The following DAB1 variants were observed in gnomAD, a reference collection of about 807,000 sequenced individuals.
DAB1 encodes DAB adaptor protein 1.
Under a neutral mutation model 64.6 loss-of-function variants are expected in DAB1, and 15 were observed. The observed-to-expected ratio is 0.23, with a 90% CI of 0.16 to 0.36. The LOEUF is 0.36. Among genes scored for constraint, DAB1 ranks in the 10% least tolerant of loss-of-function variants. The pLI is 1.00. For synonymous variants in DAB1, 235 were observed against 251.9 expected, an observed-to-expected ratio of 0.93 and a Z score of 0.64; for missense variants, 596 against 706.7, an observed-to-expected ratio of 0.84 and a Z score of 1.78.
intron 2 of DAB1, among the ~76,000 whole-genome samples, chr1:57,156,909 C>A (rs1660276252): frequency 6.6e-6 from 1 of 152,204 alleles, no homozygotes; most frequent in Non-Finnish European, 1.5e-5. Flanking sequence ...TGTCTCAAAG[C>A]AGAAGCAGCA....
intron 7 of DAB1, among the ~76,000 whole-genome samples, chr1:57,636,737 G>C (rs1646061782): frequency 6.6e-6 from 1 of 152,180 alleles, no homozygotes; most frequent in African/African-American, 2.4e-5. Context: ...CATTCACTAA[G>C]ATGGAAAAGG....
chr1:57,397,524 G>A (rs61769756), intron 1 of DAB1, among the ~76,000 whole-genome samples: 53,397 of 152,010 alleles, frequency 0.35, 9,821 homozygotes, highest in Non-Finnish European at 0.41. Context: ...TACTTGCCTG[G>A]CCCAGTGCTG....
intron 3 of DAB1, chr1:58,473,868 A>C: frequency 1.4e-6 from 1 of 712,120 alleles, no homozygotes; most frequent in Non-Finnish European, 2.2e-6. Flanking sequence ...CGTTTCCTTC[A>C]CATTTCAACT....
At chr1:58,031,073 G>A (rs2100479585) in intron 5 of DAB1, among the ~76,000 whole-genome samples, 2 of 152,284 alleles carry the variant, frequency 1.3e-5, no homozygotes, top group Middle Eastern at 6.8e-3. Flanking sequence ...GGGTTTTGAA[G>A]GTTGAGCACA....
chr1:57,742,057 G>C, intron 6 of DAB1, among the ~76,000 whole-genome samples: 1 of 152,062 alleles, frequency 6.6e-6, no homozygotes, highest in East Asian at 1.9e-4. Flanking sequence ...TAAAAAGTAG[G>C]GTAATAAAAT....
intron 2 of DAB1, among the ~76,000 whole-genome samples, chr1:57,174,740 G>T (rs924360553): frequency 6.6e-6 from 1 of 152,184 alleles, no homozygotes; most frequent in African/African-American, 2.4e-5. Flanking sequence ...GCTCTACTCC[G>T]AACAGGAATG....
rs925443037 is a variant in DAB1 at position 57,631,404 on chromosome 1, T to C, written n.625+18188A>G. Among the ~76,000 whole-genome samples the C allele has an allele frequency of 4.6e-5, 7 of 152,258 alleles. No individual in the cohort carries two copies. The East Asian group carries it at 1.3e-3, about 29-fold the overall frequency. ...AAATCATTGATGTCACTTGACTCATTTCATTTTTTAATTAGCACATTTTAA... is the reference window on the plus strand; with the variant it reads ...AAATCATTGATGTCACTTGACTCATCTCATTTTTTAATTAGCACATTTTAA... On this transcript the variant is annotated intron_variant and non_coding_transcript_variant, in intron 7 of 20. Coordinates refer to the DAB1 transcript ENST00000485760.
At chr1:58,498,070 A>T (rs1023681425) in intron 3 of DAB1, among the ~76,000 whole-genome samples, 4 of 152,168 alleles carry the variant, frequency 2.6e-5, no homozygotes, top group African/African-American at 9.7e-5. Context: ...TCTGGGCTTT[A>T]TATCAAAATA....
At chr1:58,533,945 G>A (rs751867181) in intron 1 of DAB1, 1 of 870,670 alleles carries the variant, frequency 1.1e-6, no homozygotes, top group South Asian at 1.3e-5. Context: ...TTCATTTTAG[G>A]TACTTACAGC....
chr1:58,534,405 A>C, intron 1 of DAB1: 3 of 669,008 alleles, frequency 4.5e-6, no homozygotes, highest in Non-Finnish European at 7.7e-6. Flanking sequence ...GGAAAGTTAT[A>C]TGGCTACTTA....
intron 3 of DAB1, among the ~76,000 whole-genome samples, chr1:58,449,224 C>G (rs1645105582): frequency 6.6e-6 from 1 of 152,186 alleles, no homozygotes; most frequent in Non-Finnish European, 1.5e-5. Context: ...AGAAAAGAGA[C>G]AGATGGAATG....
intron 5 of DAB1, among the ~76,000 whole-genome samples, chr1:58,069,902 A>G (rs1366211321): frequency 6.6e-6 from 1 of 152,142 alleles, no homozygotes; most frequent in Non-Finnish European, 1.5e-5. Context: ...CCTGCCAAAT[A>G]TTCACCTATA....
chr1:57,001,534 T>G (rs1318862076), intron 14 of DAB1, among the ~76,000 whole-genome samples: 1 of 152,178 alleles, frequency 6.6e-6, no homozygotes, highest in Admixed American at 6.5e-5. Context: ...TCCAGGATGA[T>G]CTTTCTGAAA....
chr1:57,497,227 T>TTATATTACTTA (rs1158448157), intron 7 of DAB1, among the ~76,000 whole-genome samples: 8 of 152,252 alleles, frequency 5.3e-5, no homozygotes, highest in African/African-American at 1.9e-4. Flanking sequence ...ACTATTTTCT[T>TTATATTACTTA]TATAGCACTT....
At chr1:57,644,358 G>T (rs1234135902) in intron 7 of DAB1, among the ~76,000 whole-genome samples, 1 of 152,128 alleles carries the variant, frequency 6.6e-6, no homozygotes, top group Non-Finnish European at 1.5e-5. Flanking sequence ...TGGATTACAA[G>T]GTTAATTTCT....
intron 4 of DAB1, among the ~76,000 whole-genome samples, chr1:58,303,964 A>G (rs1342040911): frequency 6.6e-6 from 1 of 152,028 alleles, no homozygotes; most frequent in Non-Finnish European, 1.5e-5. Context: ...CTGGGGATGA[A>G]CAGTTGCTTT....
intron 6 of DAB1, among the ~76,000 whole-genome samples, chr1:57,697,749 A>G (rs534784910): frequency 1.2e-4 from 18 of 152,270 alleles, no homozygotes; most frequent in African/African-American, 4.1e-4. Flanking sequence ...TTACCTAGGA[A>G]CTGCCACTAG....
intron 2 of DAB1, among the ~76,000 whole-genome samples, chr1:57,158,306 T>C (rs1424621513): frequency 2.0e-5 from 3 of 152,116 alleles, no homozygotes; most frequent in Admixed American, 6.5e-5. Context: ...CCCAGCTGTT[T>C]GGGATTTTTT....
chr1:57,817,573 C>T lies in DAB1; in HGVS notation n.551+66426G>A, dbSNP rs1439223906. Among the ~76,000 whole-genome samples, 7 of 152,186 alleles carry T rather than the reference C, an allele frequency of 4.6e-5. No individual in the cohort carries two copies. The East Asian group carries it at 1.4e-3, about 29-fold the overall frequency. On this transcript the variant is annotated intron_variant and non_coding_transcript_variant, in intron 6 of 20. Coordinates refer to the DAB1 transcript ENST00000485760. Reference sequence around the variant, plus strand: ...CGAGCAGGTCACACTTCTTGGCAGCCAAGGGTGGAGGGCTCCTCAGGCAAC... The same window carrying T: ...CGAGCAGGTCACACTTCTTGGCAGCTAAGGGTGGAGGGCTCCTCAGGCAAC...
Sources: allele counts gnomAD v4.1 joint callset (sites outside exome capture counted in the v4.1 genomes callset), GRCh38; gene constraint gnomAD v4.1.1; transcripts MANE v1.5; gene names NCBI Gene and HGNC (gene_info 2026-07-23, HGNC 2026-07-21).